PSIP1: variants seen among roughly 807,000 people sequenced by gnomAD.
PSIP1 encodes the protein PC4 and SFRS1-interacting protein.
PSIP1 carries 19 observed loss-of-function variants against 74.7 expected under a neutral mutation model. The observed-to-expected ratio is 0.25, with a 90% CI of 0.18 to 0.37. PSIP1 has a LOEUF of 0.37. PSIP1 is among the 10% of genes least tolerant of loss of function. The pLI is 1.00. For synonymous variants in PSIP1, 222 were observed against 195.3 expected (o/e 1.14, Z -1.14); for missense variants, 601 against 614.3 (o/e 0.98, Z 0.23).
chr9:15,490,123 C>G lies in PSIP1; in HGVS notation c.151G>C (p.Ala51Pro). 1 of 1,573,588 alleles carries G rather than the reference C, an allele frequency of 6.4e-7. No individual in the cohort carries two copies. Among genetic ancestry groups the G allele is most frequent in the Non-Finnish European group, 8.6e-7 (1 of 1,165,830 alleles). Residue 51 changes from alanine to proline, a missense_variant and splice_region_variant, in exon 4 of 16, where the codon GCT (alanine) becomes CCT (proline). Physicochemically the swap from Ala to Pro is conservative, Grantham distance 27. Around this residue, in one of 2 missense-constraint regions of PSIP1, gnomAD observed 63 missense variants for 106.7 expected, o/e 0.59. Transcript: ENST00000380733. ...AATATATCCTTTGGTCCTAAAAAAG[C>G]ACTAAAAAAGAAGTGGGGAAGATGT... The part of the protein sequence containing the change: ...PIFFFGTHET[A>P]FLGPKDIFPY...
chr9:15,469,321 G>A lies in PSIP1; in HGVS notation c.1049C>T (p.Ser350Phe). Reference protein sequence around the residue: ...VEKKRETSMDSRLQRIHAEIK... With the variant: ...VEKKRETSMDFRLQRIHAEIK... ...CTCAGCATGTATCCTTTGAAGTCGA[G>A]AATCCATTGATGTTTCTACAAATTA... Residue 350 changes from serine (S) to phenylalanine (F), a missense_variant, in exon 12 of 16, where the codon TCT becomes TTT. Ser to Phe is a radical substitution (Grantham distance 155). This residue lies in a region of PSIP1 where 538 missense variants were observed against 507.6 expected (regional missense o/e 1.06). Transcript: ENST00000380733. The A allele has an allele frequency of 1.3e-6, 2 of 1,566,430 alleles. No individual in the cohort carries two copies. Among genetic ancestry groups the A allele is most frequent in the South Asian group, 1.2e-5 (1 of 84,916 alleles).
rs113700345 is a variant in PSIP1, at chr9:15,494,462, G to A, written c.150-4338C>T. On this transcript the variant is annotated intron_variant, in intron 3 of 15. Transcript: ENST00000380733. ...CACCTGTAATCCCAGCTACTTGGGA[G>A]GCTGAGGCAATAGAATCGCTTGAAC... is the stretch of plus-strand genomic sequence containing the variant. Among the ~76,000 whole-genome samples, 983 of 150,684 alleles carry A rather than the reference G, an allele frequency of 6.5e-3. 11 individuals are homozygous for A. The highest frequency in any genetic ancestry group is 0.023 in the African/African-American group (927 of 41,072).
intron 10 of PSIP1, chr9:15,472,159 G>A (rs557081083): frequency 1.0e-6 from 1 of 985,368 alleles, no homozygotes; most frequent in African/African-American, 1.7e-5. Flanking sequence ...TGTACACCCT[G>A]TCAGCCTTTA....
chr9:15,494,492 G>A (rs1241905195), intron 3 of PSIP1, among the ~76,000 whole-genome samples: 6 of 150,242 alleles, frequency 4.0e-5, no homozygotes, highest in African/African-American at 1.5e-4. Flanking sequence ...TTGAACCCGG[G>A]AGGCGGAGGT....
In PSIP1 at chr9:15,469,924, G is replaced by A; in HGVS notation, c.1033+14C>T. The A allele has an allele frequency of 6.3e-7, 1 of 1,596,574 alleles. No homozygotes were observed. Among genetic ancestry groups the A allele is most frequent in the East Asian group, 2.2e-5 (1 of 44,682 alleles). On this transcript the variant is annotated intron_variant, in intron 11 of 15. Transcript: ENST00000380733. ...TGTATAATTTTATGTATCTTAGAAA[G>A]TGAAATAACTAACCTCGCTTCTTCT...
chr9:15,482,154 G>T (rs1349536952), intron 6 of PSIP1, among the ~76,000 whole-genome samples: 1 of 151,880 alleles, frequency 6.6e-6, no homozygotes, highest in African/African-American at 2.4e-5. Context: ...AACCTCATGG[G>T]ATTACTATTC....
chr9:15,500,121 CAACA>C (rs1281569821), intron 3 of PSIP1, among the ~76,000 whole-genome samples: 1 of 152,014 alleles, frequency 6.6e-6, no homozygotes, highest in Non-Finnish European at 1.5e-5. Context: ...AAAAATTATT[CAACA>C]GACAACTGAA....
chr9:15,492,546 G>A (rs1292693805), intron 3 of PSIP1, among the ~76,000 whole-genome samples: 1 of 152,212 alleles, frequency 6.6e-6, no homozygotes, highest in Non-Finnish European at 1.5e-5. Flanking sequence ...GGTGCAAGCT[G>A]TCGGTGGATC....
chr9:15,483,449 A>G (rs139349155), intron 6 of PSIP1, among the ~76,000 whole-genome samples: 56 of 151,974 alleles, frequency 3.7e-4, no homozygotes, highest in Admixed American at 2.0e-3. Flanking sequence ...TAAAAAATCT[A>G]TAAGATCCTT....
chr9:15,469,140 A>C, intron 12 of PSIP1, 82 bp from the exon 13 acceptor site: 7 of 1,434,356 alleles, frequency 4.9e-6, no homozygotes, highest in Non-Finnish European at 6.7e-6. Flanking sequence ...TTTCCAAAAA[A>C]AAAGAGGTAG....
rs1455625141 is a variant in PSIP1 at position 15,473,446 on chromosome 9, TA to T, written c.858+562del. Among the ~76,000 whole-genome samples, 4 of 152,200 alleles carry T rather than the reference TA, an allele frequency of 2.6e-5. No homozygotes were observed. The East Asian group carries it at 7.7e-4, about 29-fold the overall frequency. The stretch of plus-strand genomic sequence containing the variant: ...TTACTTAATTTCCAGATCATAATTG[TA>T]AAATAGATGAATTTAGAGAACAGAT... On this transcript the variant is annotated intron_variant, in intron 9 of 15. Transcript: ENST00000380733.
intron 3 of PSIP1, chr9:15,491,945 G>C (rs201713817): frequency 1.3e-5 from 2 of 152,238 alleles, no homozygotes; most frequent in East Asian, 1.9e-4. Context: ...GAACAACATG[G>C]GGGAAACCAC....
At chr9:15,501,867 A>ATATATATAT (rs1188842040) in intron 3 of PSIP1, among the ~76,000 whole-genome samples, 11 of 144,418 alleles carry the variant, frequency 7.6e-5, no homozygotes, top group African/African-American at 1.6e-4. Flanking sequence ...ATATATATAT[A>ATATATATAT]AAACGCACAC....
At chr9:15,495,754 A>ACTT (rs1291577456) in intron 3 of PSIP1, among the ~76,000 whole-genome samples, 2 of 152,096 alleles carry the variant, frequency 1.3e-5, no homozygotes, top group African/African-American at 4.8e-5. Flanking sequence ...TGTTGGTATC[A>ACTT]CTTCTATTAA....
intron 11 of PSIP1, 138 bp from the exon 12 acceptor site, chr9:15,469,474 G>A: frequency 1.8e-6 from 1 of 569,400 alleles, no homozygotes; most frequent in Non-Finnish European, 3.1e-6. Flanking sequence ...TCAAAGATAT[G>A]CACAATAGCT....
At position 15,488,817 on chromosome 9, in the gene PSIP1, C is replaced by G. The variant is rs201326062; in HGVS notation, c.288+1169G>C. ...CGGGCGGATCACAAGGTCAGGAGATCGAGACCATCCTGGCTAACACGGTGA... is the reference window on the plus strand; with the variant it reads ...CGGGCGGATCACAAGGTCAGGAGATGGAGACCATCCTGGCTAACACGGTGA... On this transcript the variant is annotated intron_variant, in intron 4 of 15. Coordinates refer to ENST00000380733, the MANE Select transcript of PSIP1 (RefSeq NM_033222.5). Among the ~76,000 whole-genome samples, 564 of 151,282 alleles carry G rather than the reference C, an allele frequency of 3.7e-3. 6 individuals carry two copies. Among genetic ancestry groups the G allele is most frequent in the South Asian group, 0.034 (163 of 4,804 alleles).
At chr9:15,507,345 T>C (rs1402754697) in intron 2 of PSIP1, among the ~76,000 whole-genome samples, 1 of 152,182 alleles carries the variant, frequency 6.6e-6, no homozygotes, top group Non-Finnish European at 1.5e-5. Context: ...CAGTACTATC[T>C]AGCTAGAATT....
At chr9:15,494,920 T>C (rs2037006040) in intron 3 of PSIP1, among the ~76,000 whole-genome samples, 1 of 152,166 alleles carries the variant, frequency 6.6e-6, no homozygotes, top group African/African-American at 2.4e-5. Context: ...GTAAATGACT[T>C]GAGTTAAACC....
intron 14 of PSIP1, 36 bp from the exon 15 acceptor site, chr9:15,466,895 G>A: frequency 6.6e-7 from 1 of 1,522,984 alleles, no homozygotes; most frequent in Middle Eastern, 1.7e-4. Context: ...CTTTGTTAAA[G>A]CTTACAAAAC....
Sources: allele counts gnomAD v4.1 joint callset (sites outside exome capture counted in the v4.1 genomes callset), GRCh38; gene constraint gnomAD v4.1.1; regional missense constraint gnomAD v4.1.1; transcripts MANE v1.5; gene names NCBI Gene and HGNC (gene_info 2026-07-23, HGNC 2026-07-21).